Variants in ZFHX3 observed in about 807,000 individuals in gnomAD.
The protein encoded by ZFHX3 is zinc finger homeobox 3.
Under a neutral mutation model 279.1 loss-of-function variants are expected in ZFHX3, and 42 were observed. That is an observed-to-expected ratio of 0.15 (90% CI 0.12 to 0.19). The LOEUF is 0.19. Ranked by LOEUF, ZFHX3 falls within the 10% of genes least tolerant of loss-of-function variation. The pLI is 1.00. For synonymous variants in ZFHX3, 2,293 were observed against 1,957.8 expected (o/e 1.17, Z -4.52); for missense variants, 4,981 against 4,754.0 (o/e 1.05, Z -1.40).
intron 3 of ZFHX3, among the ~76,000 whole-genome samples, chr16:73,331,822 CTT>C (rs1484109644): frequency 3.9e-5 from 6 of 152,056 alleles, no homozygotes; most frequent in African/African-American, 1.5e-4. Context: ...TCTTCAATAA[CTT>C]ATATCTGGGG....
intron 8 of ZFHX3, among the ~76,000 whole-genome samples, chr16:73,087,959 A>G (rs1435602042): frequency 6.6e-6 from 1 of 151,710 alleles, no homozygotes; most frequent in African/African-American, 2.4e-5. Flanking sequence ...CTCCTGAGTA[A>G]CTGGGATTAT....
chr16:73,132,018 G>A (rs6499614), intron 6 of ZFHX3, among the ~76,000 whole-genome samples: 5,579 of 152,152 alleles, frequency 0.037, 336 homozygotes, highest in African/African-American at 0.13. Context: ...CGGTGCAGTG[G>A]CTCACACCTG....
intron 2 of ZFHX3, among the ~76,000 whole-genome samples, chr16:73,539,849 G>T (rs1012387023): frequency 6.6e-5 from 10 of 152,114 alleles, no homozygotes; most frequent in African/African-American, 2.4e-4. Context: ...TAAATGGAAG[G>T]TTACTGAATA....
At position 73,191,649 on chromosome 16, in the gene ZFHX3, A is replaced by G. The variant is rs1248714155; in HGVS notation, c.-1103-47818T>C. ...CCCCAGATTCTCACCTTTTCTTTAC[A>G]GTGGCAGTAAGTCTGATCTCTCTCT... is the stretch of plus-strand genomic sequence containing the variant. On this transcript the variant is annotated intron_variant, in intron 5 of 17. Transcript: ENST00000641206. 2.0e-5 allele frequency among the ~76,000 whole-genome samples: 3 copies of G among 152,146 alleles called. No individual in the cohort carries two copies. The East Asian group carries it at 5.8e-4, about 29-fold the overall frequency.
chr16:73,754,423 G>GCCACAGA, intron 1 of ZFHX3, among the ~76,000 whole-genome samples: 1 of 151,972 alleles, frequency 6.6e-6, no homozygotes, highest in African/African-American at 2.4e-5. Context: ...CATCTCAGTG[G>GCCACAGA]CCACAGACCA....
At chr16:72,890,496 GT>G (rs113661748) in intron 3 of ZFHX3, among the ~76,000 whole-genome samples, 13,628 of 141,862 alleles carry the variant, frequency 0.096, 895 homozygotes, top group African/African-American at 0.2. Context: ...TCCTTAGAGG[GT>G]TTTTTTTTTT....
chr16:72,853,582 G>A (rs573701265), intron 4 of ZFHX3, among the ~76,000 whole-genome samples: 2 of 152,292 alleles, frequency 1.3e-5, no homozygotes, highest in South Asian at 4.1e-4. Context: ...TGTTTTTTAA[G>A]CAGAGTTTAC....
At chr16:73,172,173 G>T (rs1967543739) in intron 5 of ZFHX3, among the ~76,000 whole-genome samples, 1 of 152,184 alleles carries the variant, frequency 6.6e-6, no homozygotes, top group Non-Finnish European at 1.5e-5. Context: ...GAGAGGTTAT[G>T]GACACTCTGA....
chr16:73,446,358 G>A (rs1336130579), intron 3 of ZFHX3, among the ~76,000 whole-genome samples: 1 of 152,194 alleles, frequency 6.6e-6, no homozygotes, highest in African/African-American at 2.4e-5. Context: ...TGGTGGAAGG[G>A]GAAAGAAACG....
chr16:73,163,775 TA>T (rs1441227142), intron 5 of ZFHX3, among the ~76,000 whole-genome samples: 1 of 152,086 alleles, frequency 6.6e-6, no homozygotes, highest in Non-Finnish European at 1.5e-5. Context: ...AGAGATGGAA[TA>T]ATCCAAGGGT....
rs375038189 is a variant in ZFHX3 at position 73,202,234 on chromosome 16, C to A, written c.-1104+54813G>T. On this transcript the variant is annotated intron_variant, in intron 5 of 17. Transcript: ENST00000641206. ...AAAACCTGGGCTAGACTCAATATTT[C>A]TGAGCCCTTGAAACTCTCTAGAATG... 1.7e-4 allele frequency among the ~76,000 whole-genome samples: 26 copies of A among 152,310 alleles called. No homozygotes were observed. The East Asian group carries it at 2.5e-3, about 15-fold the overall frequency.
intron 3 of ZFHX3, among the ~76,000 whole-genome samples, chr16:73,448,471 T>C (rs1461529459): frequency 1.3e-5 from 2 of 151,998 alleles, no homozygotes; most frequent in African/African-American, 2.4e-5. Flanking sequence ...TTAGCACAGA[T>C]AGTATGAAGT....
intron 1 of ZFHX3, among the ~76,000 whole-genome samples, chr16:73,735,777 A>C (rs179184): frequency 0.89 from 135,777 of 152,150 alleles, 61,165 homozygotes; most frequent in Non-Finnish European, 0.95. Context: ...TCCACCTTAA[A>C]TAAGCAGGAG....
chr16:73,704,036 C>T (rs1335301707), intron 1 of ZFHX3, among the ~76,000 whole-genome samples: 2 of 152,020 alleles, frequency 1.3e-5, no homozygotes, highest in East Asian at 3.9e-4. Flanking sequence ...ATGTGAACTA[C>T]GTACAAATTT....
chr16:73,448,877 A>T (rs953588863), intron 3 of ZFHX3, among the ~76,000 whole-genome samples: 1 of 152,194 alleles, frequency 6.6e-6, no homozygotes, highest in Non-Finnish European at 1.5e-5. Context: ...GTATTTATTC[A>T]GAAAGAAAAC....
At chr16:73,882,320 A>C (rs1268986043) in intron 1 of ZFHX3, among the ~76,000 whole-genome samples, 1 of 152,128 alleles carries the variant, frequency 6.6e-6, no homozygotes, top group African/African-American at 2.4e-5. Context: ...GATGTCATCT[A>C]TACAAAATGC....
chr16:73,127,539 G>A, intron 7 of ZFHX3: 1 of 1,305,518 alleles, frequency 7.7e-7, no homozygotes, highest in Non-Finnish European at 1.0e-6. Flanking sequence ...GCAGAGATGG[G>A]AGGCTTTGGG....
intron 3 of ZFHX3, among the ~76,000 whole-genome samples, chr16:73,331,986 A>C (rs985640433): frequency 6.6e-6 from 1 of 152,188 alleles, no homozygotes; most frequent in African/African-American, 2.4e-5. Flanking sequence ...CAGAAGAAAA[A>C]AAGAAGATCT....
intron 2 of ZFHX3, among the ~76,000 whole-genome samples, chr16:73,510,259 C>T (rs1415515075): frequency 1.3e-5 from 2 of 152,060 alleles, no homozygotes; most frequent in Admixed American, 1.3e-4. Flanking sequence ...TATTTATTTT[C>T]TTGTTGTCTT....
Sources: gnomAD v4.1 joint callset for allele counts (sites outside exome capture counted in the v4.1 genomes callset) on GRCh38, gnomAD v4.1.1 for gene constraint, MANE v1.5 for transcripts, NCBI Gene and HGNC (gene_info 2026-07-23, HGNC 2026-07-21) for gene names.